Variants in SYTL5 observed in about 807,000 individuals in gnomAD.
SYTL5 encodes synaptotagmin-like protein 5.
A neutral mutation model predicts 55.9 loss-of-function variants in SYTL5; 34 were observed. The ratio of observed to expected loss-of-function variants is 0.61; its 90% CI spans 0.46 to 0.81. The LOEUF is 0.81. SYTL5 is among the 30% of genes least tolerant of loss of function. The pLI, the probability that SYTL5 is intolerant of heterozygous loss-of-function variation, is 0.00. For missense variants in SYTL5, 637 were observed against 546.7 expected (o/e 1.17, Z -1.65); for synonymous variants, 221 against 188.7 (o/e 1.17, Z -1.40).
chrX:38,073,526 TA>T lies in SYTL5; in HGVS notation c.446-61del, dbSNP rs1195205980. ...AATCTGGGAAAGTGAAAGCAGAATA[TA>T]AATTTGCTCTCATTTCTGGCCATTT... On this transcript the variant is annotated intron_variant, in intron 4 of 16. Coordinates refer to ENST00000297875, the MANE Select transcript of SYTL5 (RefSeq NM_138780.3). The T allele has an allele frequency of 1.3e-4, 111 of 831,463 alleles. No homozygotes were observed. In the African/African-American group the frequency reaches 2.0e-3, roughly 15 times the overall value. The allele number at this position is 831,463 out of a possible 1,213,427, so 68.5% of individuals were successfully genotyped here.
the SYTL5 span, among the ~76,000 whole-genome samples, chrX:38,001,211 G>A: frequency 9.0e-6 from 1 of 110,862 alleles, no homozygotes; most frequent in African/African-American, 3.3e-5. Context: ...TCTTCAATAC[G>A]TAATCATCAC....
the SYTL5 span, among the ~76,000 whole-genome samples, chrX:37,940,690 C>T: frequency 1.8e-5 from 2 of 108,196 alleles, no homozygotes; most frequent in Non-Finnish European, 3.8e-5. Context: ...TGAACTGGGC[C>T]TGTAAAATTT....
chrX:38,081,756 T>C (rs767984385), intron 6 of SYTL5, among the ~76,000 whole-genome samples: 10 of 111,764 alleles, frequency 8.9e-5, no homozygotes, highest in Admixed American at 2.8e-4. Context: ...AGTTAAGAGA[T>C]AGGGAATCTG....
intron 3 of SYTL5, among the ~76,000 whole-genome samples, chrX:38,065,968 G>A (rs900201911): frequency 2.4e-4 from 26 of 110,178 alleles, no homozygotes; most frequent in Admixed American, 3.9e-4. Context: ...GGTGTGATGG[G>A]GCATGCCTGT....
chrX:38,116,969 G>A (rs1182742061), intron 13 of SYTL5, among the ~76,000 whole-genome samples: 1 of 112,491 alleles, frequency 8.9e-6, no homozygotes, highest in Non-Finnish European at 1.9e-5. Context: ...TAGATAGACT[G>A]AAAACTCATT....
intron 3 of SYTL5, among the ~76,000 whole-genome samples, chrX:38,058,873 T>C (rs906177531): frequency 9.0e-6 from 1 of 111,197 alleles, no homozygotes; most frequent in African/African-American, 3.3e-5. Context: ...AATATCTCTT[T>C]AGATATTTCT....
At chrX:37,927,984 A>G in the SYTL5 span, among the ~76,000 whole-genome samples, 4,129 of 112,149 alleles carry the variant, frequency 0.037, 192 homozygotes, top group African/African-American at 0.13. Flanking sequence ...AGAAAACACA[A>G]TGGAAATGGT....
intron 7 of SYTL5, among the ~76,000 whole-genome samples, chrX:38,092,233 G>A (rs902865559): frequency 8.9e-6 from 1 of 111,842 alleles, no homozygotes; most frequent in African/African-American, 3.3e-5. Context: ...TCTCCACAGG[G>A]ATAGAACTGA....
the SYTL5 span, among the ~76,000 whole-genome samples, chrX:37,929,713 T>C: frequency 3.6e-5 from 4 of 111,804 alleles, no homozygotes; most frequent in Non-Finnish European, 7.5e-5. Context: ...GAGGAAATTA[T>C]TTCCTTTTGC....
At chrX:37,996,323 T>C in the SYTL5 span, among the ~76,000 whole-genome samples, 1 of 112,103 alleles carries the variant, frequency 8.9e-6, no homozygotes, top group East Asian at 2.8e-4. Flanking sequence ...AGAGAATCAC[T>C]GTTATTGGGA....
chrX:38,073,697 G>A lies in SYTL5; in HGVS notation c.553G>A (p.Gly185Arg), dbSNP rs766201028. The A allele has an allele frequency of 8.7e-7, 1 of 1,153,694 alleles. No homozygotes were observed. The highest frequency in any genetic ancestry group is 1.2e-6 in the Non-Finnish European group (1 of 855,566). ...CAGCCATGATGGGCCCAAGAGAAAG[G>A]GGTAAGACATGGTCTTTCTGAGGGA... ...KASHDGPKRK[G>R]FLLSKFRSAT... Residue 185 changes from glycine to arginine, a missense_variant and splice_region_variant, in exon 5 of 17, where the codon GGA becomes AGA. By Grantham distance (125) the Gly-to-Arg change is moderately radical. Transcript: ENST00000297875.
Position 38,076,416 on chromosome X carries a change from G to A in SYTL5, c.555-151G>A, listed in dbSNP as rs1936391263. On this transcript the variant is annotated intron_variant, in intron 5 of 16. Coordinates refer to ENST00000297875, the MANE Select transcript of SYTL5 (RefSeq NM_138780.3). ...ATCACCCTTGATACTGTATTGCAGA[G>A]GCACTGGGAACTCTCCAGAACCTCT... 6.8e-6 allele frequency: 3 copies of A among 442,662 alleles called. No individual in the cohort carries two copies. In the East Asian group the frequency reaches 1.2e-4, roughly 18 times the overall value. The allele number at this position is 442,662 out of a possible 1,213,427, so 36.5% of individuals were successfully genotyped here. A position where few individuals can be genotyped will look rare whatever the true frequency, so the allele number is the denominator to read the frequency against.
rs955562186 is a variant in SYTL5, at chrX:38,127,360, T to A, written c.*630T>A. 3.6e-5 allele frequency: 4 copies of A among 112,090 alleles called. No homozygotes were observed. The highest frequency in any genetic ancestry group is 4.6e-3 in the Middle Eastern group (1 of 218). The allele number at this position is 112,090 out of a possible 1,213,427, so 9.2% of individuals were successfully genotyped here. ...GAGCTAAATAACTACATCAGAACGA[T>A]TGATGTTGATTAGAATTGACCTGGG... On this transcript the variant is annotated 3_prime_UTR_variant, in exon 17 of 17. Transcript: ENST00000297875.
chrX:37,924,484 A>T, the SYTL5 span, among the ~76,000 whole-genome samples: 1 of 111,592 alleles, frequency 9.0e-6, no homozygotes, highest in Non-Finnish European at 1.9e-5. Flanking sequence ...GACCAAATAG[A>T]TGTAAATACC....
At chrX:38,058,748 A>G (rs1343443010) in intron 3 of SYTL5, among the ~76,000 whole-genome samples, 1 of 111,092 alleles carries the variant, frequency 9.0e-6, no homozygotes, top group Non-Finnish European at 1.9e-5. Flanking sequence ...TGTTTTCAAC[A>G]GTTACTATAA....
chrX:38,072,020 A>G, intron 3 of SYTL5, 27 bp from the exon 4 acceptor site: 1 of 1,071,518 alleles, frequency 9.3e-7, no homozygotes, highest in Non-Finnish European at 1.3e-6. Flanking sequence ...ATTGAATTTC[A>G]ATGCTCTTCC....
chrX:37,904,368 G>A, the SYTL5 span, among the ~76,000 whole-genome samples: 3 of 103,441 alleles, frequency 2.9e-5, no homozygotes, highest in Non-Finnish European at 5.9e-5. Context: ...AGAGTGGGGG[G>A]GACTTTAGAA....
At chrX:37,976,799 CAAAAA>C in the SYTL5 span, among the ~76,000 whole-genome samples, 1 of 47,162 alleles carries the variant, frequency 2.1e-5, no homozygotes, top group Non-Finnish European at 5.2e-5. Context: ...ACTAAAAATA[CAAAAA>C]AAAAAAAAAA....
the SYTL5 span, among the ~76,000 whole-genome samples, chrX:37,962,823 A>G: frequency 8.9e-6 from 1 of 111,996 alleles, no homozygotes; most frequent in East Asian, 2.8e-4. Flanking sequence ...TCCTCTTTTA[A>G]TAAAGCCTCC....
Sources: gnomAD v4.1 joint callset for allele counts (sites outside exome capture counted in the v4.1 genomes callset) on GRCh38, gnomAD v4.1.1 for gene constraint, MANE v1.5 for transcripts, NCBI Gene and HGNC (gene_info 2026-07-23, HGNC 2026-07-21) for gene names.